Variants in NDFIP1 observed in about 807,000 individuals in gnomAD.
NDFIP1 encodes NEDD4 family-interacting protein 1.
NDFIP1 carries 7 observed loss-of-function variants against 28.8 expected under a neutral mutation model. That is an observed-to-expected ratio of 0.24 (90% CI 0.14 to 0.46). The LOEUF (loss-of-function observed/expected upper bound fraction) is 0.46. Among genes scored for constraint, NDFIP1 ranks in the 20% least tolerant of loss-of-function variants. The pLI, the probability that NDFIP1 is intolerant of heterozygous loss-of-function variation, is 0.99. For synonymous variants in NDFIP1, 92 were observed against 101.0 expected (o/e 0.91, Z 0.53); for missense variants, 194 against 269.1 (o/e 0.72, Z 1.95).
intron 3 of NDFIP1, chr5:142,134,198 G>A (rs996064875): frequency 1.3e-5 from 2 of 152,210 alleles, no homozygotes; most frequent in Non-Finnish European, 2.9e-5. Flanking sequence ...GAGGACTTGT[G>A]TGGTGTTTTG....
chr5:142,146,163 A>G (rs1198122723), intron 7 of NDFIP1, among the ~76,000 whole-genome samples: 1 of 152,192 alleles, frequency 6.6e-6, no homozygotes, highest in Non-Finnish European at 1.5e-5. Context: ...GTATGTAGGT[A>G]AAGAAGGCTT....
intron 1 of NDFIP1, among the ~76,000 whole-genome samples, chr5:142,113,255 C>G (rs1757033922): frequency 6.6e-6 from 1 of 152,098 alleles, no homozygotes; most frequent in African/African-American, 2.4e-5. Context: ...GATAAATTCT[C>G]TCAGGATTAT....
intron 3 of NDFIP1, chr5:142,133,884 C>T (rs1300504523): frequency 6.6e-6 from 1 of 152,138 alleles, no homozygotes; most frequent in Non-Finnish European, 1.5e-5. Flanking sequence ...CAGTGGGCAT[C>T]AAGAACTGAA....
At position 142,113,193 on chromosome 5, in the gene NDFIP1, G is replaced by A. The variant is rs116294910; in HGVS notation, c.63+4156G>A. ...CACTTGTGAGCATCACCAATACTCT[G>A]TATGATAGTTTGATGACATTATAGT... On this transcript the variant is annotated intron_variant, in intron 1 of 7. Transcript: ENST00000253814. Among the ~76,000 whole-genome samples, 1,211 of 152,258 alleles carry A rather than the reference G, an allele frequency of 8.0e-3. 8 individuals are homozygous for A. The highest frequency in any genetic ancestry group is 0.011 in the Non-Finnish European group (720 of 68,028).
At chr5:142,150,496 T>C (rs1448680320) in intron 7 of NDFIP1, among the ~76,000 whole-genome samples, 1 of 152,016 alleles carries the variant, frequency 6.6e-6, no homozygotes, top group Non-Finnish European at 1.5e-5. Flanking sequence ...GTTCATTTCC[T>C]CCAGTGTGTT....
At chr5:142,135,651 C>A in intron 3 of NDFIP1, 79 bp from the exon 4 acceptor site, 1 of 1,248,864 alleles carries the variant, frequency 8.0e-7, no homozygotes, top group South Asian at 1.3e-5. Context: ...AACTTTTTTC[C>A]TTGCTACTCA....
At chr5:142,124,958 T>C (rs894776503) in intron 1 of NDFIP1, among the ~76,000 whole-genome samples, 12 of 152,186 alleles carry the variant, frequency 7.9e-5, no homozygotes, top group African/African-American at 2.4e-5. Flanking sequence ...CCCAAGTAGC[T>C]GGGACTACAG....
At position 142,137,070 on chromosome 5, in the gene NDFIP1, CAAAAAAAAA is replaced by C. The variant is rs56227585; in HGVS notation, c.371-650_371-642del. Reference sequence around the variant, plus strand: ...TGGGTGACAGAGTGAGACTCAGTCTCAAAAAAAAAAAAAAAAAAAAAAGCAGAGGTTGTA... The same window carrying C: ...TGGGTGACAGAGTGAGACTCAGTCTCAAAAAAAAAAAAAGCAGAGGTTGTA... On this transcript the variant is annotated intron_variant, in intron 4 of 7. Transcript: ENST00000253814. Among the ~76,000 whole-genome samples the C allele has an allele frequency of 4.2e-5, 4 of 95,028 alleles. 1 individual carries two copies. The Admixed American group carries it at 4.6e-4, about 11-fold the overall frequency. The allele number at this position is 95,028 out of a possible 152,430, so 62.3% of individuals were successfully genotyped here. A position where few individuals can be genotyped will look rare whatever the true frequency, so the allele number is the denominator to read the frequency against.
intron 7 of NDFIP1, among the ~76,000 whole-genome samples, chr5:142,149,455 T>TA (rs1554092506): frequency 1.3e-5 from 2 of 149,974 alleles, no homozygotes; most frequent in African/African-American, 2.5e-5. Flanking sequence ...TTTTTTTTTT[T>TA]ACAAAGTGAT....
At position 142,153,322 on chromosome 5, in the gene NDFIP1, T is replaced by C. The variant is rs1402176795; in HGVS notation, c.*1594T>C. 1.1e-5 allele frequency: 5 copies of C among 456,608 alleles called. No homozygotes were observed. The highest frequency in any genetic ancestry group is 2.2e-5 in the Non-Finnish European group (5 of 226,968). The allele number at this position is 456,608 out of a possible 1,614,324, so 28.3% of individuals were successfully genotyped here. On this transcript the variant is annotated 3_prime_UTR_variant, in exon 8 of 8. Coordinates refer to ENST00000253814, the MANE Select transcript of NDFIP1 (RefSeq NM_030571.4). ...AAATACACCAAGATGGTCAAATTAC[T>C]ACACAAATCAGCACCAGCACAGTCT...
intron 3 of NDFIP1, 91 bp downstream of exon 3, chr5:142,132,433 A>T: frequency 6.9e-7 from 1 of 1,458,768 alleles, no homozygotes; most frequent in Non-Finnish European, 9.3e-7. Flanking sequence ...TTATGATTGT[A>T]TTGATTAGTG....
At position 142,116,530 on chromosome 5, in the gene NDFIP1, G is replaced by A. The variant is rs192359919; in HGVS notation, c.63+7493G>A. On this transcript the variant is annotated intron_variant, in intron 1 of 7. Coordinates refer to ENST00000253814, the MANE Select transcript of NDFIP1 (RefSeq NM_030571.4). ...ACTACAGGTGCCCGCCAGCAGGCCCGGCTAATTTTTGTATTTTTAGTAGAG... is the reference window on the plus strand; with the variant it reads ...ACTACAGGTGCCCGCCAGCAGGCCCAGCTAATTTTTGTATTTTTAGTAGAG... Among the ~76,000 whole-genome samples the A allele has an allele frequency of 2.7e-3, 410 of 151,874 alleles. 1 individual carries two copies. The highest frequency in any genetic ancestry group is 5.6e-3 in the South Asian group (27 of 4,808).
chr5:142,131,974 C>A, intron 2 of NDFIP1, 79 bp downstream of exon 2: 1 of 1,271,232 alleles, frequency 7.9e-7, no homozygotes, highest in Non-Finnish European at 1.1e-6. Context: ...AAAAAAAAAG[C>A]TTCAGAAGCA....
At chr5:142,141,813 C>T (rs978699659) in intron 6 of NDFIP1, among the ~76,000 whole-genome samples, 5 of 152,058 alleles carry the variant, frequency 3.3e-5, no homozygotes, top group African/African-American at 1.2e-4. Context: ...ATCCTGGCAC[C>T]CATGCCTGGC....
chr5:142,136,503 C>G (rs755070287), intron 4 of NDFIP1, among the ~76,000 whole-genome samples: 6 of 151,984 alleles, frequency 3.9e-5, no homozygotes, highest in Non-Finnish European at 7.4e-5. Context: ...GCCTATAATC[C>G]CAGCACTTTG....
chr5:142,121,318 C>CTGTTTCTCCTTTG (rs1179262105), intron 1 of NDFIP1, among the ~76,000 whole-genome samples: 2 of 152,210 alleles, frequency 1.3e-5, no homozygotes, highest in African/African-American at 4.8e-5. Flanking sequence ...TTGGAGATGC[C>CTGTTTCTCCTTTG]TGTTTCTCCT....
chr5:142,148,400 A>G (rs986901317), intron 7 of NDFIP1, among the ~76,000 whole-genome samples: 7 of 152,184 alleles, frequency 4.6e-5, no homozygotes, highest in African/African-American at 1.7e-4. Context: ...CTGTTTTCCT[A>G]CTTCATAACA....
At position 142,153,107 on chromosome 5, in the gene NDFIP1, C is replaced by T. The variant is rs928165090; in HGVS notation, c.*1379C>T. 38 of 348,986 alleles carry T rather than the reference C, an allele frequency of 1.1e-4. 1 individual carries two copies. Among genetic ancestry groups the T allele is most frequent in the African/African-American group, 7.7e-4 (36 of 46,720 alleles). The allele number at this position is 348,986 out of a possible 1,614,324, so 21.6% of individuals were successfully genotyped here. On this transcript the variant is annotated 3_prime_UTR_variant, in exon 8 of 8. Coordinates refer to ENST00000253814, the MANE Select transcript of NDFIP1 (RefSeq NM_030571.4). ...ATTTCCAGTGTTTTCTGCATGTTCT[C>T]ATTTGTTCTTTTTCTCAGTTGAATG...
chr5:142,147,879 A>G (rs1386932618), intron 7 of NDFIP1, among the ~76,000 whole-genome samples: 1 of 152,242 alleles, frequency 6.6e-6, no homozygotes, highest in African/African-American at 2.4e-5. Flanking sequence ...CAAAAGGATC[A>G]GAATACAGAG....
Sources: allele counts gnomAD v4.1 joint callset (sites outside exome capture counted in the v4.1 genomes callset), GRCh38; gene constraint gnomAD v4.1.1; transcripts MANE v1.5; gene names NCBI Gene and HGNC (gene_info 2026-07-23, HGNC 2026-07-21).